The following MYO3B variants were observed in gnomAD, a reference collection of about 807,000 sequenced individuals.
MYO3B encodes the protein myosin IIIB, also known as myosin-IIIb.
A neutral mutation model predicts 174.6 loss-of-function variants in MYO3B; 156 were observed. The ratio of observed to expected loss-of-function variants is 0.89; its 90% CI spans 0.78 to 1.02. The LOEUF (loss-of-function observed/expected upper bound fraction) is 1.02. MYO3B is among the 50% of genes least tolerant of loss of function. The probability of loss-of-function intolerance (pLI) is 0.00; values close to 1 mark genes in which losing one functional copy is unlikely to be tolerated. For missense variants in MYO3B, 1,632 were observed against 1,639.4 expected, an observed-to-expected ratio of 1.00 and a Z score of 0.08; for synonymous variants, 563 against 569.1, an observed-to-expected ratio of 0.99 and a Z score of 0.15.
chr2:170,304,093 T>C (rs1246773853), intron 7 of MYO3B, among the ~76,000 whole-genome samples: 1 of 152,198 alleles, frequency 6.6e-6, no homozygotes, highest in Non-Finnish European at 1.5e-5. Flanking sequence ...CATATCATTC[T>C]GTGTATATTT....
chr2:170,566,938 T>A (rs141136619), intron 32 of MYO3B, among the ~76,000 whole-genome samples: 1 of 152,314 alleles, frequency 6.6e-6, no homozygotes, highest in Non-Finnish European at 1.5e-5. Context: ...CACATCATTC[T>A]GTGCCTGAGT....
intron 32 of MYO3B, among the ~76,000 whole-genome samples, chr2:170,565,155 C>T (rs533228173): frequency 2.6e-4 from 39 of 151,958 alleles, no homozygotes; most frequent in African/African-American, 6.5e-4. Context: ...ATCAAACAGG[C>T]GAGGATTGAA....
chr2:170,409,925 G>T (rs145889673), intron 22 of MYO3B, among the ~76,000 whole-genome samples: 5 of 152,162 alleles, frequency 3.3e-5, no homozygotes, highest in Non-Finnish European at 7.3e-5. Flanking sequence ...ATTTTTGGGG[G>T]TTATTATGTT....
At chr2:170,314,437 C>T (rs2093760335) in intron 7 of MYO3B, among the ~76,000 whole-genome samples, 1 of 152,164 alleles carries the variant, frequency 6.6e-6, no homozygotes, top group South Asian at 2.1e-4. Flanking sequence ...TACTAGGGTG[C>T]CATGTGCTGG....
chr2:170,639,820 A>AGAT (rs1258402420), intron 32 of MYO3B, among the ~76,000 whole-genome samples: 1 of 152,146 alleles, frequency 6.6e-6, no homozygotes, highest in African/African-American at 2.4e-5. Context: ...TGGAAACCAG[A>AGAT]GATAGTATTT....
At chr2:170,381,406 A>G (rs555723220) in intron 9 of MYO3B, among the ~76,000 whole-genome samples, 2 of 152,206 alleles carry the variant, frequency 1.3e-5, no homozygotes, top group Admixed American at 1.3e-4. Flanking sequence ...ATGGGTATCT[A>G]TAGGCATATG....
chr2:170,376,371 T>C (rs1462306008), intron 9 of MYO3B, among the ~76,000 whole-genome samples: 1 of 152,210 alleles, frequency 6.6e-6, no homozygotes, highest in Non-Finnish European at 1.5e-5. Context: ...TATCAAAGGG[T>C]ATATTGAATG....
intron 25 of MYO3B, among the ~76,000 whole-genome samples, chr2:170,470,919 A>T (rs1461143165): frequency 6.7e-6 from 1 of 148,906 alleles, no homozygotes; most frequent in Non-Finnish European, 1.5e-5. Context: ...TATATTGTTG[A>T]TGTTTATGTA....
chr2:170,529,459 T>G (rs1480101991), intron 30 of MYO3B, among the ~76,000 whole-genome samples: 1 of 152,116 alleles, frequency 6.6e-6, no homozygotes, highest in Non-Finnish European at 1.5e-5. Flanking sequence ...CTTCCTTTTT[T>G]TTCTTTCTTC....
chr2:170,226,945 G>GT, intron 6 of MYO3B, among the ~76,000 whole-genome samples: 1 of 152,202 alleles, frequency 6.6e-6, no homozygotes, highest in East Asian at 1.9e-4. Context: ...GTTACTGCAG[G>GT]AACAGAAGTG....
chr2:170,591,826 C>T (rs1412549045), intron 32 of MYO3B, among the ~76,000 whole-genome samples: 3 of 152,136 alleles, frequency 2.0e-5, no homozygotes, highest in South Asian at 2.1e-4. Context: ...ACCAGTATTA[C>T]GTATTGAACT....
chr2:170,544,094 A>G (rs914450416), intron 32 of MYO3B, 106 bp downstream of exon 32: 24 of 846,450 alleles, frequency 2.8e-5, no homozygotes, highest in Middle Eastern at 4.7e-4. Flanking sequence ...ATATGACCAA[A>G]TGTTGGCAAA....
intron 32 of MYO3B, among the ~76,000 whole-genome samples, chr2:170,633,054 T>G (rs957096675): frequency 1.3e-5 from 2 of 152,164 alleles, no homozygotes; most frequent in Non-Finnish European, 2.9e-5. Context: ...AAGGAGGAGC[T>G]GGTACCATTC....
At chr2:170,534,031 G>T (rs754041015) in intron 30 of MYO3B, among the ~76,000 whole-genome samples, 1 of 152,200 alleles carries the variant, frequency 6.6e-6, no homozygotes, top group East Asian at 1.9e-4. Context: ...GTCCCGTTAA[G>T]TATTTGAAAA....
intron 32 of MYO3B, among the ~76,000 whole-genome samples, chr2:170,651,059 G>A (rs770786934): frequency 5.3e-5 from 8 of 152,138 alleles, no homozygotes; most frequent in East Asian, 3.9e-4. Flanking sequence ...TCATGTAATC[G>A]TGCAATCATC....
At chr2:170,459,222 T>G (rs1315166905) in intron 23 of MYO3B, among the ~76,000 whole-genome samples, 2 of 152,210 alleles carry the variant, frequency 1.3e-5, no homozygotes, top group Non-Finnish European at 2.9e-5. Context: ...TCTGGCAGCC[T>G]GCTTTTATTC....
chr2:170,542,414 T>G (rs1690174800), intron 30 of MYO3B, among the ~76,000 whole-genome samples: 1 of 152,224 alleles, frequency 6.6e-6, no homozygotes, highest in South Asian at 2.1e-4. Context: ...ACTATAGAGA[T>G]CCATAAATGT....
chr2:170,423,230 A>G (rs537172959), intron 22 of MYO3B, among the ~76,000 whole-genome samples: 11 of 151,778 alleles, frequency 7.2e-5, no homozygotes, highest in African/African-American at 2.2e-4. Flanking sequence ...TGATCCACCC[A>G]CCTTGGCCTC....
intron 32 of MYO3B, among the ~76,000 whole-genome samples, chr2:170,578,778 C>A (rs1054225871): frequency 3.9e-5 from 6 of 152,226 alleles, no homozygotes; most frequent in Non-Finnish European, 7.3e-5. Flanking sequence ...GTCCGCTGCC[C>A]CGCTGCGAGG....
Sources: allele counts gnomAD v4.1 joint callset (sites outside exome capture counted in the v4.1 genomes callset), GRCh38; gene constraint gnomAD v4.1.1; transcripts MANE v1.5; gene names NCBI Gene and HGNC (gene_info 2026-07-23, HGNC 2026-07-21).